CACNA1A: variants seen among roughly 807,000 people sequenced by gnomAD.
CACNA1A encodes the protein calcium voltage-gated channel subunit alpha1 A, also known as voltage-dependent P/Q-type calcium channel subunit alpha-1A.
In CACNA1A, 57 loss-of-function variants were observed where a neutral mutation model predicts 262.4. That is an observed-to-expected ratio of 0.22 (90% CI 0.18 to 0.27). The LOEUF (loss-of-function observed/expected upper bound fraction) is 0.27. CACNA1A is among the 10% of genes least tolerant of loss of function. The pLI, the probability that CACNA1A is intolerant of heterozygous loss-of-function variation, is 1.00. For missense variants in CACNA1A, 2,526 were observed against 3,562.8 expected, an observed-to-expected ratio of 0.71 and a Z score of 7.41; for synonymous variants, 1,431 against 1,419.3, an observed-to-expected ratio of 1.01 and a Z score of -0.18.
At chr19:13,422,405 C>T (rs1599419608) in intron 3 of CACNA1A, among the ~76,000 whole-genome samples, 1 of 152,168 alleles carries the variant, frequency 6.6e-6, no homozygotes, top group East Asian at 1.9e-4. Flanking sequence ...GTCTCAAAGA[C>T]ACTGCTAAAA....
At chr19:13,320,306 C>G (rs1568531278) in intron 10 of CACNA1A, among the ~76,000 whole-genome samples, 5 of 151,684 alleles carry the variant, frequency 3.3e-5, no homozygotes, top group African/African-American at 9.7e-5. Context: ...CCCCAGCCCC[C>G]ACTCCTGCTG....
Position 13,241,924 on chromosome 19 carries a change from T to G in CACNA1A, c.4950+3258A>C, listed in dbSNP as rs1443777208. On this transcript the variant is annotated intron_variant, in intron 31 of 46. Coordinates refer to ENST00000360228, the MANE Select transcript of CACNA1A (RefSeq NM_001127222.2). This position sits in a 1 kb window ranked among gnomAD's most constrained non-coding sequence, Gnocchi z 4.0. ...GACAGCACTGGTTAGTACTGCCGCA[T>G]GCCCTCTGCCCCCTAAACCCCAGGG... Among the ~76,000 whole-genome samples, 2 of 152,174 alleles carry G rather than the reference T, an allele frequency of 1.3e-5. No homozygotes were observed. The highest frequency in any genetic ancestry group is 2.1e-4 in the South Asian group (1 of 4,828).
intron 1 of CACNA1A, among the ~76,000 whole-genome samples, chr19:13,463,146 A>T (rs796107125): frequency 2.1e-4 from 21 of 100,868 alleles, no homozygotes; most frequent in African/African-American, 9.8e-4. Context: ...GCCTTTATTT[A>T]AAAAAAAAAA....
intron 24 of CACNA1A, chr19:13,263,205 T>C: frequency 4.5e-6 from 1 of 222,614 alleles, no homozygotes; most frequent in South Asian, 6.5e-5. Context: ...TCTGGCTCTG[T>C]CACCAAGGCT....
At chr19:13,296,737 A>G (rs990961653) in intron 19 of CACNA1A, among the ~76,000 whole-genome samples, 1 of 151,562 alleles carries the variant, frequency 6.6e-6, no homozygotes, top group Non-Finnish European at 1.5e-5. Context: ...CTAACGGCCC[A>G]AAGTGCCTTT....
intron 6 of CACNA1A, among the ~76,000 whole-genome samples, chr19:13,339,243 G>A (rs1050099579): frequency 2.0e-5 from 3 of 152,074 alleles, no homozygotes; most frequent in Admixed American, 6.6e-5. Context: ...TGAACCTTGA[G>A]GGCATTATGC....
intron 29 of CACNA1A, 78 bp downstream of exon 29, chr19:13,255,017 A>G: frequency 6.7e-7 from 1 of 1,483,354 alleles, no homozygotes; most frequent in Non-Finnish European, 9.4e-7. Context: ...GAAACTGCAG[A>G]TGGTTTCATT....
intron 1 of CACNA1A, among the ~76,000 whole-genome samples, chr19:13,477,238 CTCTA>C (rs1181941534): frequency 2.6e-5 from 4 of 152,226 alleles, no homozygotes; most frequent in African/African-American, 9.6e-5. Flanking sequence ...CTCGATAAAG[CTCTA>C]TCTAATACAG....
chr19:13,479,513 G>C (rs908808114), intron 1 of CACNA1A, among the ~76,000 whole-genome samples: 2 of 152,166 alleles, frequency 1.3e-5, no homozygotes, highest in African/African-American at 2.4e-5. Context: ...ATGCTCGTGG[G>C]CTTTTCCAAG....
At chr19:13,436,153 A>G (rs1453648396) in intron 3 of CACNA1A, among the ~76,000 whole-genome samples, 3 of 152,136 alleles carry the variant, frequency 2.0e-5, no homozygotes, top group African/African-American at 7.2e-5. Flanking sequence ...CAGAAAGGAC[A>G]AGGGAATGAA....
chr19:13,323,623 T>C, intron 10 of CACNA1A, among the ~76,000 whole-genome samples: 1 of 152,138 alleles, frequency 6.6e-6, no homozygotes, highest in East Asian at 1.9e-4. Context: ...TTGGGTTGTT[T>C]TCTTGCTGTT....
chr19:13,331,858 T>C (rs10413133), intron 9 of CACNA1A, among the ~76,000 whole-genome samples: 84,279 of 151,748 alleles, frequency 0.56, 24,861 homozygotes, highest in East Asian at 0.96. Context: ...CGGAACCTCA[T>C]TATGTTGCCC....
intron 3 of CACNA1A, among the ~76,000 whole-genome samples, chr19:13,396,335 G>A (rs2144674382): frequency 6.6e-6 from 1 of 152,274 alleles, no homozygotes; most frequent in Admixed American, 6.5e-5. Context: ...CTGCTCCTTT[G>A]CCTAGAGAGT....
intron 18 of CACNA1A, among the ~76,000 whole-genome samples, chr19:13,300,162 T>C (rs1020294518): frequency 6.6e-6 from 1 of 152,166 alleles, no homozygotes; most frequent in African/African-American, 2.4e-5. Context: ...CCTGACAACT[T>C]CGTTTAAAAT....
intron 44 of CACNA1A, among the ~76,000 whole-genome samples, 160 bp downstream of exon 44, chr19:13,210,457 C>G (rs1396412423): frequency 9.2e-5 from 14 of 152,060 alleles, no homozygotes; most frequent in Non-Finnish European, 1.5e-5. Context: ...ACACAGGACA[C>G]CACACACAAG....
chr19:13,267,066 C>T (rs551069045), intron 24 of CACNA1A, among the ~76,000 whole-genome samples: 1 of 151,950 alleles, frequency 6.6e-6, no homozygotes, highest in East Asian at 1.9e-4. Context: ...GGACACAAGG[C>T]CACAGAAACA....
At chr19:13,349,403 TTGCC>T (rs1199137813) in intron 6 of CACNA1A, among the ~76,000 whole-genome samples, 1 of 152,142 alleles carries the variant, frequency 6.6e-6, no homozygotes, top group East Asian at 1.9e-4. Context: ...TGACCCCAAT[TTGCC>T]TTGGCCCAGC....
At chr19:13,385,883 G>A (rs1041862343) in intron 3 of CACNA1A, among the ~76,000 whole-genome samples, 5 of 151,998 alleles carry the variant, frequency 3.3e-5, no homozygotes, top group African/African-American at 1.2e-4. Context: ...GAGTCCAGGC[G>A]TGGTGGCTTA....
intron 31 of CACNA1A, among the ~76,000 whole-genome samples, chr19:13,239,170 C>T (rs1265142493): frequency 1.3e-5 from 2 of 152,120 alleles, no homozygotes; most frequent in Admixed American, 1.3e-4. Context: ...GCCCATATTC[C>T]ACAATATAGC....
Sources: gnomAD v4.1 joint callset for allele counts (sites outside exome capture counted in the v4.1 genomes callset) on GRCh38, gnomAD v4.1.1 for gene constraint, Gnocchi (gnomAD v3.1) non-coding constraint, MANE v1.5 for transcripts, NCBI Gene and HGNC (gene_info 2026-07-23, HGNC 2026-07-21) for gene names.